The following PDE7A variants were observed in gnomAD, a reference collection of about 807,000 sequenced individuals.
PDE7A encodes phosphodiesterase 7A.
A neutral mutation model predicts 64.3 loss-of-function variants in PDE7A; 39 were observed. The ratio of observed to expected loss-of-function variants is 0.61; its 90% confidence interval spans 0.47 to 0.79. PDE7A has a LOEUF of 0.79. Ranked by LOEUF, PDE7A falls within the 30% of genes least tolerant of loss-of-function variation. The probability of loss-of-function intolerance (pLI) is 0.00; values close to 1 mark genes in which losing one functional copy is unlikely to be tolerated. For missense variants in PDE7A, 470 were observed against 582.8 expected (o/e 0.81, Z 1.99); for synonymous variants, 203 against 206.8 (o/e 0.98, Z 0.16).
chr8:65,750,514 C>CTG (rs1300141964), intron 3 of PDE7A, among the ~76,000 whole-genome samples: 3 of 101,018 alleles, frequency 3.0e-5, no homozygotes, highest in Non-Finnish European at 4.5e-5. Flanking sequence ...CTGTGTGTGT[C>CTG]TGTGTGTGTG....
intron 1 of PDE7A, among the ~76,000 whole-genome samples, chr8:65,838,163 A>G (rs1810994451): frequency 6.6e-6 from 1 of 152,220 alleles, no homozygotes; most frequent in Admixed American, 6.5e-5. Context: ...GAATAATTCT[A>G]ACTGCAGTGC....
intron 1 of PDE7A, among the ~76,000 whole-genome samples, chr8:65,824,651 A>T (rs552323834): frequency 1.6e-4 from 25 of 152,354 alleles, no homozygotes; most frequent in Middle Eastern, 3.4e-3. Context: ...CAACTGAGGC[A>T]AGACCCTCGA....
chr8:65,752,997 G>A (rs1474112192), intron 3 of PDE7A, among the ~76,000 whole-genome samples: 1 of 152,070 alleles, frequency 6.6e-6, no homozygotes, highest in African/African-American at 2.4e-5. Context: ...TAATGCAACT[G>A]AACTCCTTTT....
chr8:65,760,024 G>A (rs1289611124), intron 3 of PDE7A, among the ~76,000 whole-genome samples: 1 of 152,110 alleles, frequency 6.6e-6, no homozygotes. Context: ...CAGATCACTT[G>A]AGGTCAGGAG....
chr8:65,723,688 C>T (rs1806490628), intron 11 of PDE7A, 67 bp from the exon 12 acceptor site: 1 of 1,110,626 alleles, frequency 9.0e-7, no homozygotes. Flanking sequence ...TAATTAAAGG[C>T]TTGAACATAC....
intron 1 of PDE7A, among the ~76,000 whole-genome samples, chr8:65,810,356 G>A (rs935436220): frequency 6.6e-6 from 1 of 151,414 alleles, no homozygotes; most frequent in Non-Finnish European, 1.5e-5. Flanking sequence ...ATGGGGTGGG[G>A]GGATGGGGGA....
intron 1 of PDE7A, among the ~76,000 whole-genome samples, chr8:65,793,118 GC>G (rs948006365): frequency 6.6e-6 from 1 of 152,034 alleles, no homozygotes; most frequent in Non-Finnish European, 1.5e-5. Flanking sequence ...ACCAAACAGA[GC>G]CCCATGCTAC....
At chr8:65,814,581 T>A (rs181257713) in intron 1 of PDE7A, among the ~76,000 whole-genome samples, 1 of 147,094 alleles carries the variant, frequency 6.8e-6, no homozygotes, top group Non-Finnish European at 1.5e-5. Flanking sequence ...ATATAATACA[T>A]ACGAAGATGT....
chr8:65,745,389 G>C lies in PDE7A; in HGVS notation c.499+18C>G. On this transcript the variant is annotated intron_variant, in intron 5 of 12. Coordinates refer to ENST00000401827, the MANE Select transcript of PDE7A (RefSeq NM_001242318.3). ...ATCTAGACTACATTAACTTGAGCAA[G>C]TCAAATTCTTCACTTACCATTTGTT... 1 of 1,429,624 alleles carries C rather than the reference G, an allele frequency of 7.0e-7. No homozygotes were observed. Among genetic ancestry groups the C allele is most frequent in the Non-Finnish European group, 9.9e-7 (1 of 1,012,128 alleles). The allele number at this position is 1,429,624 out of a possible 1,614,324, so 88.6% of individuals were successfully genotyped here. A position where few individuals can be genotyped will look rare whatever the true frequency, so the allele number is the denominator to read the frequency against.
At position 65,714,799 on chromosome 8, in the gene PDE7A, G is replaced by A. The variant is rs1460781131; in HGVS notation, c.*4491C>T. 1.3e-5 allele frequency: 2 copies of A among 151,968 alleles called. No individual in the cohort carries two copies. The highest frequency in any genetic ancestry group is 1.3e-4 in the Admixed American group (2 of 15,278). The allele number at this position is 151,968 out of a possible 1,614,324, so 9.4% of individuals were successfully genotyped here. A position where few individuals can be genotyped will look rare whatever the true frequency, so the allele number is the denominator to read the frequency against. Reference sequence around the variant, plus strand: ...TTAATAAAAACCAAGAAAGCATTTTGGAAAAAAAGATCATTTTCAGAATCT... The same window carrying A: ...TTAATAAAAACCAAGAAAGCATTTTAGAAAAAAAGATCATTTTCAGAATCT... On this transcript the variant is annotated 3_prime_UTR_variant, in exon 13 of 13. Transcript: ENST00000401827.
chr8:65,836,377 C>T (rs1270398265), intron 1 of PDE7A, among the ~76,000 whole-genome samples: 1 of 152,234 alleles, frequency 6.6e-6, no homozygotes, highest in Admixed American at 6.5e-5. Flanking sequence ...TTAAAACAAA[C>T]TCAGTGTACC....
chr8:65,760,933 G>A (rs12678193), intron 3 of PDE7A, among the ~76,000 whole-genome samples: 11,166 of 89,366 alleles, frequency 0.12, 1,246 homozygotes, highest in East Asian at 0.48. Flanking sequence ...ACAGGAGAGA[G>A]GATACATGAG....
intron 8 of PDE7A, 43 bp from the exon 9 acceptor site, chr8:65,727,009 T>C: frequency 8.9e-7 from 1 of 1,121,374 alleles, no homozygotes; most frequent in Non-Finnish European, 1.4e-6. Context: ...GATACGTCTC[T>C]TTCTGGACAT....
chr8:65,715,324 CCAAGAGTT>C lies in PDE7A; in HGVS notation c.*3958_*3965del, dbSNP rs996464766. Among the ~76,000 whole-genome samples the C allele has an allele frequency of 6.6e-6, 1 of 151,714 alleles. No homozygotes were observed. Among genetic ancestry groups the C allele is most frequent in the African/African-American group, 2.4e-5 (1 of 41,254 alleles). On this transcript the variant is annotated 3_prime_UTR_variant, in exon 13 of 13. Coordinates refer to ENST00000401827, the MANE Select transcript of PDE7A (RefSeq NM_001242318.3). ...GCCACGGTGGCAGGACTGCTTGAGC[CCAAGAGTT>C]CAAGACCAGCCAAGCCAACAAAGAG...
At chr8:65,775,482 A>T (rs1208638683) in intron 3 of PDE7A, among the ~76,000 whole-genome samples, 1 of 152,154 alleles carries the variant, frequency 6.6e-6, no homozygotes, top group Non-Finnish European at 1.5e-5. Flanking sequence ...TTTAATTATC[A>T]CGTTTTTATG....
chr8:65,798,206 A>ATATATATATATATATAT, intron 1 of PDE7A, among the ~76,000 whole-genome samples: 51 of 73,802 alleles, frequency 6.9e-4, no homozygotes, highest in African/African-American at 2.6e-3. Context: ...ATATATATAT[A>ATATATATATATATATAT]TTTTTTTTTT....
intron 7 of PDE7A, among the ~76,000 whole-genome samples, chr8:65,730,177 T>C (rs375216469): frequency 0.21 from 21,980 of 106,922 alleles, 3,702 homozygotes; most frequent in African/African-American, 0.32. Context: ...ACTTCTTTTT[T>C]TTTTTTTTTT....
rs1208257915 is a variant in PDE7A at position 65,726,914 on chromosome 8, C to A, written c.881G>T (p.Arg294Ile). 1 of 1,609,456 alleles carries A rather than the reference C, an allele frequency of 6.2e-7. No individual in the cohort carries two copies. Among genetic ancestry groups the A allele is most frequent in the South Asian group, 1.1e-5 (1 of 90,808 alleles). ...CAGATGTGAGAATAAGCCTGATTCT[C>A]TCAATAAGCCCACTGCAGATCTCCA... ...HHWRSAVGLL[R>I]ESGLFSHLPL... The change falls in exon 9 of 13, where the codon AGA becomes ATA. Residue 294 changes from arginine (R) to isoleucine (I), a missense_variant. Coordinates refer to ENST00000401827, the MANE Select transcript of PDE7A (RefSeq NM_001242318.3).
intron 1 of PDE7A, among the ~76,000 whole-genome samples, chr8:65,811,839 CA>C (rs1323448271): frequency 6.6e-6 from 1 of 152,104 alleles, no homozygotes; most frequent in Admixed American, 6.5e-5. Flanking sequence ...CTATCAAATA[CA>C]AAAATTAATT....
Sources: gnomAD v4.1 joint callset for allele counts (sites outside exome capture counted in the v4.1 genomes callset) on GRCh38, gnomAD v4.1.1 for gene constraint, MANE v1.5 for transcripts, NCBI Gene and HGNC (gene_info 2026-07-23, HGNC 2026-07-21) for gene names.